ACSS3: variants seen among roughly 807,000 people sequenced by gnomAD.
The protein encoded by ACSS3 is acyl-CoA synthetase short-chain family member 3, mitochondrial.
ACSS3 carries 64 observed loss-of-function variants against 84.2 expected under a neutral mutation model. The ratio of observed to expected loss-of-function variants is 0.76; its 90% CI spans 0.62 to 0.94. The LOEUF is 0.94. Ranked by LOEUF, ACSS3 falls within the 40% of genes least tolerant of loss-of-function variation. ACSS3 has a pLI of 0.00. For missense variants in ACSS3, 815 were observed against 867.6 expected, an observed-to-expected ratio of 0.94 and a Z score of 0.76; for synonymous variants, 317 against 310.1, an observed-to-expected ratio of 1.02 and a Z score of -0.23.
At chr12:81,249,150 T>C (rs1327590949) in intron 13 of ACSS3, among the ~76,000 whole-genome samples, 1 of 151,988 alleles carries the variant, frequency 6.6e-6, no homozygotes, top group African/African-American at 2.4e-5. Context: ...TTAGGAAACT[T>C]TGATGGAGGT....
intron 1 of ACSS3, 21 bp downstream of exon 1, chr12:81,078,452 C>G: frequency 6.2e-7 from 1 of 1,609,758 alleles, no homozygotes; most frequent in Non-Finnish European, 8.5e-7. Context: ...TCTGTGCCAA[C>G]CCTGATCCCC....
At chr12:81,132,753 G>T (rs73359343) in intron 2 of ACSS3, among the ~76,000 whole-genome samples, 1 of 152,118 alleles carries the variant, frequency 6.6e-6, no homozygotes, top group African/African-American at 2.4e-5. Flanking sequence ...ATTATTGGTA[G>T]TGTGGGCCTT....
intron 9 of ACSS3, among the ~76,000 whole-genome samples, chr12:81,212,836 T>C (rs556451143): frequency 1.3e-5 from 2 of 152,326 alleles, no homozygotes; most frequent in East Asian, 3.9e-4. Context: ...ATGAAGTTTG[T>C]CCTTTTTTAA....
intron 4 of ACSS3, 118 bp downstream of exon 4, chr12:81,139,383 ATTG>A: frequency 5.2e-6 from 6 of 1,144,322 alleles, no homozygotes; most frequent in Middle Eastern, 2.8e-4. Flanking sequence ...GCTGAATGTT[ATTG>A]TTATTTCTAA....
At chr12:81,083,420 T>G (rs879498502) in intron 1 of ACSS3, among the ~76,000 whole-genome samples, 7 of 146,828 alleles carry the variant, frequency 4.8e-5, no homozygotes, top group Admixed American at 7.1e-5. Context: ...TGCAATGGCA[T>G]GATCTCTGCT....
chr12:81,178,327 G>T (rs967007665), intron 8 of ACSS3, among the ~76,000 whole-genome samples: 1 of 144,158 alleles, frequency 6.9e-6, no homozygotes, highest in Non-Finnish European at 1.5e-5. Flanking sequence ...GATGGGGGGA[G>T]GGGGCAGGGA....
intron 9 of ACSS3, among the ~76,000 whole-genome samples, chr12:81,208,150 A>C (rs1237390801): frequency 6.6e-6 from 1 of 152,134 alleles, no homozygotes; most frequent in African/African-American, 2.4e-5. Context: ...TGGTTTCTTT[A>C]CAAATTGCCT....
At chr12:81,103,044 A>G (rs532305902) in intron 1 of ACSS3, among the ~76,000 whole-genome samples, 2 of 152,344 alleles carry the variant, frequency 1.3e-5, no homozygotes, top group East Asian at 3.9e-4. Context: ...GTCTGCAGGA[A>G]ACATCATCCT....
At chr12:81,226,368 G>C (rs1360045232) in intron 11 of ACSS3, among the ~76,000 whole-genome samples, 1 of 150,944 alleles carries the variant, frequency 6.6e-6, no homozygotes, top group African/African-American at 2.4e-5. Flanking sequence ...CTGATATTTA[G>C]CCGTAGAACT....
chr12:81,080,031 G>T (rs1880870908), intron 1 of ACSS3, among the ~76,000 whole-genome samples: 1 of 152,102 alleles, frequency 6.6e-6, no homozygotes, highest in South Asian at 2.1e-4. Context: ...TCAAAGTTCT[G>T]TGTACAAATA....
chr12:81,217,118 T>G, intron 10 of ACSS3, 122 bp downstream of exon 10: 1 of 664,482 alleles, frequency 1.5e-6, no homozygotes. Flanking sequence ...ATGAATGCCT[T>G]GTATTAAAAA....
chr12:81,171,754 G>A (rs2030059878), intron 7 of ACSS3, among the ~76,000 whole-genome samples: 1 of 152,090 alleles, frequency 6.6e-6, no homozygotes, highest in South Asian at 2.1e-4. Flanking sequence ...CTTAACAATG[G>A]AGATATGTTC....
chr12:81,219,973 T>G (rs1456406356), intron 10 of ACSS3, 40 bp from the exon 11 acceptor site: 1 of 1,309,730 alleles, frequency 7.6e-7, no homozygotes, highest in Non-Finnish European at 1.0e-6. Context: ...AGCTTTAAGA[T>G]TATGAATTTT....
chr12:81,107,387 C>A (rs1883102233), intron 1 of ACSS3, among the ~76,000 whole-genome samples: 1 of 148,388 alleles, frequency 6.7e-6, no homozygotes, highest in Non-Finnish European at 1.5e-5. Context: ...ATATTGATCA[C>A]AAAGAATGGT....
At chr12:81,115,226 G>A (rs147191040) in intron 2 of ACSS3, among the ~76,000 whole-genome samples, 6 of 152,288 alleles carry the variant, frequency 3.9e-5, no homozygotes, top group African/African-American at 1.2e-4. Flanking sequence ...GTATGCCCAC[G>A]TTGGACATGA....
chr12:81,097,254 G>A (rs1416669669), intron 1 of ACSS3, among the ~76,000 whole-genome samples: 5 of 152,072 alleles, frequency 3.3e-5, no homozygotes, highest in Admixed American at 1.3e-4. Flanking sequence ...AATATTTTTG[G>A]CTTTGCAGGC....
intron 13 of ACSS3, among the ~76,000 whole-genome samples, chr12:81,238,598 T>C (rs1026792009): frequency 1.3e-5 from 2 of 151,774 alleles, no homozygotes; most frequent in Non-Finnish European, 2.9e-5. Flanking sequence ...TTTTGTCAGA[T>C]TGTGTCTTTC....
chr12:81,130,459 T>C (rs565508488), intron 2 of ACSS3, among the ~76,000 whole-genome samples: 1 of 152,330 alleles, frequency 6.6e-6, no homozygotes, highest in Non-Finnish European at 1.5e-5. Context: ...CTTCACCCAC[T>C]TTTTGATGGG....
chr12:81,251,558 G>A (rs568623571), intron 13 of ACSS3, among the ~76,000 whole-genome samples: 27 of 151,162 alleles, frequency 1.8e-4, no homozygotes, highest in East Asian at 3.9e-4. Context: ...ATAGCTGGGC[G>A]TGGTAGCTTA....
Sources: gnomAD v4.1 joint callset for allele counts (sites outside exome capture counted in the v4.1 genomes callset) on GRCh38, gnomAD v4.1.1 for gene constraint, MANE v1.5 for transcripts, NCBI Gene and HGNC (gene_info 2026-07-23, HGNC 2026-07-21) for gene names.